DOCK6: variants seen among roughly 807,000 people sequenced by gnomAD.
DOCK6 encodes the protein dedicator of cytokinesis 6.
DOCK6 carries 167 observed loss-of-function variants against 230.3 expected under a neutral mutation model. The ratio of observed to expected loss-of-function variants is 0.73; its 90% CI spans 0.64 to 0.82. DOCK6 has a LOEUF of 0.82. Ranked by LOEUF, DOCK6 falls within the 40% of genes least tolerant of loss-of-function variation. The pLI is 0.00. For missense variants in DOCK6, 2,598 were observed against 2,825.8 expected, an observed-to-expected ratio of 0.92 and a Z score of 1.83; for synonymous variants, 1,148 against 1,185.0, an observed-to-expected ratio of 0.97 and a Z score of 0.64.
At chr19:11,217,702 G>A (rs1479058240) in intron 28 of DOCK6, among the ~76,000 whole-genome samples, 1 of 147,810 alleles carries the variant, frequency 6.8e-6, no homozygotes, top group African/African-American at 2.5e-5. Flanking sequence ...AGGTTACAGT[G>A]AGCCGAGATC....
Position 11,200,827 on chromosome 19 carries a change from G to C in DOCK6, c.5833-5C>G. 1 of 1,612,550 alleles carries C rather than the reference G, an allele frequency of 6.2e-7. No individual in the cohort carries two copies. The highest frequency in any genetic ancestry group is 8.5e-7 in the Non-Finnish European group (1 of 1,178,740). Reference sequence around the variant, plus strand: ...CTGGGCCACCTCCAGGGGACCCTGTGGGGTGAGAGGGACTGGTGAGCCAGC... The same window carrying C: ...CTGGGCCACCTCCAGGGGACCCTGTCGGGTGAGAGGGACTGGTGAGCCAGC... On this transcript the variant is annotated splice_polypyrimidine_tract_variant and splice_region_variant and intron_variant, in intron 45 of 47. Transcript: ENST00000294618. The surrounding 1 kb of genome is among the most constrained non-coding windows in gnomAD (Gnocchi z 4.3).
At chr19:11,224,015 T>C (rs2079622343) in intron 24 of DOCK6, among the ~76,000 whole-genome samples, 1 of 152,074 alleles carries the variant, frequency 6.6e-6, no homozygotes, top group Non-Finnish European at 1.5e-5. Flanking sequence ...ATGAGGCAGA[T>C]GCCATCCCTG....
rs780451489 is a variant in DOCK6 at position 11,204,165 on chromosome 19, G to A, written c.5220+35C>T. Reference sequence around the variant, plus strand: ...AGGAGTGGGGATGAGGAGTGGGGCTGAGGGTGGGGTCTGGGGAGGGGGTCC... The same window carrying A: ...AGGAGTGGGGATGAGGAGTGGGGCTAAGGGTGGGGTCTGGGGAGGGGGTCC... On this transcript the variant is annotated intron_variant, in intron 40 of 47. Coordinates refer to ENST00000294618, the MANE Select transcript of DOCK6 (RefSeq NM_020812.4). 28 of 1,547,940 alleles carry A rather than the reference G, an allele frequency of 1.8e-5. No homozygotes were observed. The African/African-American group carries it at 3.6e-4, about 20-fold the overall frequency.
chr19:11,221,756 A>C, intron 28 of DOCK6, 95 bp downstream of exon 28: 4 of 1,577,378 alleles, frequency 2.5e-6, no homozygotes, highest in South Asian at 1.1e-5. Flanking sequence ...GTCTATACTC[A>C]TACCAGTGAC....
At position 11,216,888 on chromosome 19, in the gene DOCK6, A is replaced by G. The variant is rs762663668; in HGVS notation, c.3894+26T>C. 2.6e-5 allele frequency: 42 copies of G among 1,611,642 alleles called. No individual in the cohort carries two copies. The Admixed American group carries it at 7.0e-4, about 27-fold the overall frequency. On this transcript the variant is annotated intron_variant, in intron 30 of 47. Coordinates refer to ENST00000294618, the MANE Select transcript of DOCK6 (RefSeq NM_020812.4). ...GGTACATCCTTAGCCTGCCTCCTCC[A>G]TCATCTCCTGCCCACGCCCTCAAAC...
At chr19:11,223,343 C>T (rs2147786373) in intron 24 of DOCK6, among the ~76,000 whole-genome samples, 1 of 152,286 alleles carries the variant, frequency 6.6e-6, no homozygotes, top group African/African-American at 2.4e-5. Flanking sequence ...TCCTCTCGCT[C>T]TCTCTGTCCA....
intron 3 of DOCK6, 115 bp from the exon 4 acceptor site, chr19:11,252,665 A>T: frequency 6.3e-7 from 1 of 1,597,838 alleles, no homozygotes; most frequent in Non-Finnish European, 8.6e-7. Flanking sequence ...GGAGGCTCAG[A>T]GAAAAAGCAT....
intron 22 of DOCK6, among the ~76,000 whole-genome samples, chr19:11,232,544 CA>C (rs1368830500): frequency 6.6e-6 from 1 of 151,984 alleles, no homozygotes; most frequent in Non-Finnish European, 1.5e-5. Flanking sequence ...CACACCCGTA[CA>C]CATATATGCA....
At position 11,224,441 on chromosome 19, in the gene DOCK6, C is replaced by G. The variant is rs565000707; in HGVS notation, c.2956-1335G>C. ...GGTAAGGCTGGTCTCAAACTCCTGACCTCAGGTGATCCGCCCTCCTCGGCC... is the reference window on the plus strand; with the variant it reads ...GGTAAGGCTGGTCTCAAACTCCTGAGCTCAGGTGATCCGCCCTCCTCGGCC... On this transcript the variant is annotated intron_variant, in intron 24 of 47. Coordinates refer to ENST00000294618, the MANE Select transcript of DOCK6 (RefSeq NM_020812.4). Among the ~76,000 whole-genome samples, 3 of 152,120 alleles carry G rather than the reference C, an allele frequency of 2.0e-5. No individual in the cohort carries two copies. The South Asian group carries it at 6.2e-4, about 32-fold the overall frequency.
intron 39 of DOCK6, chr19:11,206,211 C>G (rs541182671): frequency 5.9e-5 from 9 of 152,264 alleles, no homozygotes; most frequent in African/African-American, 2.2e-4. Flanking sequence ...AAACCACCAA[C>G]TGCCCTCATA....
chr19:11,227,223 A>G (rs2079679658), intron 24 of DOCK6, 114 bp downstream of exon 24: 3 of 1,411,554 alleles, frequency 2.1e-6, no homozygotes, highest in East Asian at 4.7e-5. Flanking sequence ...CACCCAGCAA[A>G]GTGGATTCCT....
In DOCK6 at chr19:11,245,545, C is replaced by A; in HGVS notation, c.1023+18G>T. 2 of 1,551,230 alleles carry A rather than the reference C, an allele frequency of 1.3e-6. No individual in the cohort carries two copies. The highest frequency in any genetic ancestry group is 1.7e-6 in the Non-Finnish European group (2 of 1,146,522). On this transcript the variant is annotated intron_variant, in intron 9 of 47. Coordinates refer to ENST00000294618, the MANE Select transcript of DOCK6 (RefSeq NM_020812.4). ...GACATTCGCCATTACCACCCCCTTG[C>A]CCAGCCCCAGCAGGCACCTTGATGA...
At chr19:11,204,154 GGAGTGGGGCTGA>G in intron 40 of DOCK6, 34 bp downstream of exon 40, 1 of 1,536,968 alleles carries the variant, frequency 6.5e-7, no homozygotes, top group South Asian at 1.2e-5. Context: ...GTGGGGATGA[GGAGTGGGGCTGA>G]GGGTGGGGTC....
chr19:11,216,983 G>T lies in DOCK6; in HGVS notation c.3825C>A (p.Asp1275Glu), dbSNP rs1316007341. 1 of 1,613,718 alleles carries T rather than the reference G, an allele frequency of 6.2e-7. No individual in the cohort carries two copies. The highest frequency in any genetic ancestry group is 1.3e-5 in the African/African-American group (1 of 75,056). ...EPALLQRWAT[D>E]LTLPQLGRLL... is the part of the protein sequence containing the mutation. ...GACGTCCCAGCTGGGGGAGTGTCAG[G>T]TCAGTGGCCCAGCGCTGCAGGAGCG... The change falls in exon 30 of 48, where the codon GAC (aspartate) becomes GAA (glutamate). Residue 1275 changes from aspartate (D) to glutamate (E), a missense_variant. Asp to Glu is a conservative substitution (Grantham distance 45, BLOSUM62 2). Transcript: ENST00000294618.
In DOCK6 at chr19:11,208,702, G is replaced by A. The variant is rs1473955372; in HGVS notation, c.5072C>T (p.Ala1691Val). ...AGGCCTCACCATGGTGAAGTAGCCG[G>A]CTGCCTGTTCCAGCAACCCTACCAG... ...LGLVGLLEQA[A>V]GYFTMGGLYE... The change falls in exon 39 of 48, where the codon GCC becomes GTC. Residue 1691 changes from alanine to valine, a missense_variant. Ala to Val is a moderately conservative substitution (Grantham distance 64). Transcript: ENST00000294618. 2 of 1,611,482 alleles carry A rather than the reference G, an allele frequency of 1.2e-6. No homozygotes were observed. The highest frequency in any genetic ancestry group is 8.5e-7 in the Non-Finnish European group (1 of 1,178,066).
intron 31 of DOCK6, 94 bp from the exon 32 acceptor site, chr19:11,215,565 G>T: frequency 7.2e-7 from 1 of 1,387,110 alleles, no homozygotes; most frequent in Non-Finnish European, 1.0e-6. Context: ...TATTCAGGTG[G>T]GCTGACCCAT....
chr19:11,246,248 A>G (rs1056777061), intron 7 of DOCK6, among the ~76,000 whole-genome samples: 10 of 150,440 alleles, frequency 6.6e-5, no homozygotes, highest in South Asian at 6.3e-4. Context: ...TTGTGTTTTT[A>G]GTAGAGACAG....
At chr19:11,206,931 G>A (rs567363352) in intron 39 of DOCK6, among the ~76,000 whole-genome samples, 4 of 151,500 alleles carry the variant, frequency 2.6e-5, no homozygotes, top group Admixed American at 2.6e-4. Context: ...TGCAACCTCC[G>A]CCTCCCGGGT....
chr19:11,222,789 G>C lies in DOCK6; in HGVS notation c.3186C>G (p.Cys1062Trp), dbSNP rs772071596. The change falls in exon 26 of 48, where the codon TGC becomes TGG. Residue 1062 changes from cysteine (C) to tryptophan (W), a missense_variant. Cys to Trp is a radical substitution (Grantham distance 215). Coordinates refer to ENST00000294618, the MANE Select transcript of DOCK6 (RefSeq NM_020812.4). This position sits in a 1 kb window ranked among gnomAD's most constrained non-coding sequence, Gnocchi z 4.0. Reference protein sequence around the residue: ...EHYVTLNLPCCPLSPPASPSP... With the variant: ...EHYVTLNLPCWPLSPPASPSP... Reference sequence around the variant, plus strand: ...AGGGCGAGGCTGGAGGTGACAGGGGGCAGCAGGGGAGGTTGAGGGTCACGT... The same window carrying C: ...AGGGCGAGGCTGGAGGTGACAGGGGCCAGCAGGGGAGGTTGAGGGTCACGT... 6.3e-7 allele frequency: 1 copy of C among 1,586,646 alleles called. No homozygotes were observed. Among genetic ancestry groups the C allele is most frequent in the Admixed American group, 1.8e-5 (1 of 54,662 alleles).
Sources: allele counts gnomAD v4.1 joint callset (sites outside exome capture counted in the v4.1 genomes callset), GRCh38; gene constraint gnomAD v4.1.1; non-coding constraint Gnocchi (gnomAD v3.1); transcripts MANE v1.5; gene names NCBI Gene and HGNC (gene_info 2026-07-23, HGNC 2026-07-21).